Variants in ERGIC3 observed in about 807,000 individuals in gnomAD.
The protein encoded by ERGIC3 is endoplasmic reticulum-Golgi intermediate compartment protein 3.
In ERGIC3, 33 loss-of-function variants were observed where a neutral mutation model predicts 54.7. That is an observed-to-expected ratio of 0.60 (90% confidence interval 0.46 to 0.81). The LOEUF (loss-of-function observed/expected upper bound fraction) is 0.81, where lower values mean the gene tolerates loss of function less well. Ranked by LOEUF, ERGIC3 falls within the 30% of genes least tolerant of loss-of-function variation. The pLI, the probability that ERGIC3 is intolerant of heterozygous loss-of-function variation, is 0.00. For synonymous variants in ERGIC3, 186 were observed against 189.8 expected (o/e 0.98, Z 0.16); for missense variants, 399 against 488.4 (o/e 0.82, Z 1.73).
In ERGIC3 at chr20:35,543,066, G is replaced by T. The variant is rs954230906; in HGVS notation, c.367+125G>T. The T allele has an allele frequency of 4.2e-6, 6 of 1,438,934 alleles. No individual in the cohort carries two copies. In the African/African-American group the frequency reaches 5.6e-5, roughly 13 times the overall value. 89.1% of individuals were successfully genotyped at this position (1,438,934 alleles called of 1,614,324 possible). ...CAACTAAGAGCTAGAGAAGTCAAGTGACTTGCCTAGGGTCCCCCAGCTAGT... is the reference window on the plus strand; with the variant it reads ...CAACTAAGAGCTAGAGAAGTCAAGTTACTTGCCTAGGGTCCCCCAGCTAGT... On this transcript the variant is annotated intron_variant, in intron 4 of 12. Coordinates refer to ENST00000348547, the MANE Select transcript of ERGIC3 (RefSeq NM_015966.3).
rs770461868 is a variant in ERGIC3 at position 35,556,139 on chromosome 20, C to T, written c.814+10C>T. ...GTCACTGCGCCCCAAGGTACCAGCC[C>T]GGGAGGCAGCCCCCAGCCGCAGAAG... On this transcript the variant is annotated intron_variant, in intron 9 of 12. Coordinates refer to ENST00000348547, the MANE Select transcript of ERGIC3 (RefSeq NM_015966.3). The T allele has an allele frequency of 2.3e-5, 37 of 1,614,040 alleles. No individual in the cohort carries two copies. The highest frequency in any genetic ancestry group is 3.0e-5 in the Non-Finnish European group (35 of 1,180,030).
chr20:35,551,425 G>A (rs528259822), intron 7 of ERGIC3, among the ~76,000 whole-genome samples: 82 of 152,182 alleles, frequency 5.4e-4, no homozygotes, highest in Admixed American at 3.6e-3. Flanking sequence ...AATAGCATCT[G>A]GGTGTCCTTC....
At chr20:35,544,211 T>C (rs112770763) in intron 4 of ERGIC3, 30,681 of 177,996 alleles carry the variant, frequency 0.17, 3,024 homozygotes, top group Middle Eastern at 0.29. Flanking sequence ...TGTGCCACCA[T>C]GCCCAGCTAA....
rs11554456 is a variant in ERGIC3 at position 35,557,022 on chromosome 20, A to G, written c.929A>G (p.Asn310Ser). The G allele has an allele frequency of 1.5e-5, 24 of 1,614,108 alleles. No individual in the cohort carries two copies. Among genetic ancestry groups the G allele is most frequent in the Admixed American group, 5.0e-5 (3 of 60,012 alleles). The change falls in exon 11 of 13, where the codon AAT becomes AGT. Residue 310 changes from asparagine to serine, a missense_variant. Coordinates refer to ENST00000348547, the MANE Select transcript of ERGIC3 (RefSeq NM_015966.3). ...FSVTRHEKVA[N>S]GLLGDQGLPG... ...GTGACCAGACATGAGAAGGTTGCCA[A>G]TGGGCTGTTGGGCGACCAAGGCCTT... is the stretch of plus-strand genomic sequence containing the variant.
In ERGIC3 at chr20:35,555,071, A is replaced by G. The variant is rs1446334891; in HGVS notation, c.713A>G (p.Asp238Gly). The G allele has an allele frequency of 2.2e-5, 35 of 1,613,250 alleles. No individual in the cohort carries two copies. The highest frequency in any genetic ancestry group is 2.1e-5 in the Non-Finnish European group (25 of 1,179,874). ...CATGACTTGCAGAGCTTTGGCCTTG[A>G]CAACGTACGTACCAGATGGAAACCA... ...HVHDLQSFGLDNINMTHYIQH... is the reference protein window; with the variant it reads ...HVHDLQSFGLGNINMTHYIQH... Residue 238 changes from aspartate (D) to glycine (G), a missense_variant, in exon 8 of 13, where the codon GAC (aspartate) becomes GGC (glycine). By Grantham distance (94) the Asp-to-Gly change is moderately conservative. Coordinates refer to ENST00000348547, the MANE Select transcript of ERGIC3 (RefSeq NM_015966.3).
chr20:35,554,815 G>A, intron 7 of ERGIC3: 5 of 619,104 alleles, frequency 8.1e-6, no homozygotes, highest in South Asian at 7.6e-5. Flanking sequence ...TGGACGTCAG[G>A]GAGGAACCAG....
At position 35,543,481 on chromosome 20, in the gene ERGIC3, T is replaced by G. The variant is rs1332635996; in HGVS notation, c.367+540T>G. 3 of 389,694 alleles carry G rather than the reference T, an allele frequency of 7.7e-6. No homozygotes were observed. The East Asian group carries it at 2.2e-4, about 28-fold the overall frequency. The allele number at this position is 389,694 out of a possible 1,614,324, so 24.1% of individuals were successfully genotyped here. A position where few individuals can be genotyped will look rare whatever the true frequency, so the allele number is the denominator to read the frequency against. On this transcript the variant is annotated intron_variant, in intron 4 of 12. Coordinates refer to ENST00000348547, the MANE Select transcript of ERGIC3 (RefSeq NM_015966.3). ...TTGTAAGATCAAATGAAGTCATATGTGTAAAATGCCTGGTACAGAGTGGGT... is the reference window on the plus strand; with the variant it reads ...TTGTAAGATCAAATGAAGTCATATGGGTAAAATGCCTGGTACAGAGTGGGT...
At chr20:35,557,391 A>C in intron 12 of ERGIC3, 34 bp from the exon 13 acceptor site, 6 of 1,611,590 alleles carry the variant, frequency 3.7e-6, no homozygotes, top group Non-Finnish European at 5.1e-6. Flanking sequence ...CAAGGCCCCC[A>C]CTGGGCCAGT....
At chr20:35,548,726 A>T (rs1239369634) in intron 6 of ERGIC3, 52 bp downstream of exon 6, 1 of 1,614,022 alleles carries the variant, frequency 6.2e-7, no homozygotes, top group Admixed American at 1.7e-5. Context: ...GGCAAGCTCC[A>T]CTGGGAACCG....
In ERGIC3 at chr20:35,553,916, C is replaced by G. The variant is rs565078114; in HGVS notation, c.686-1128C>G. Reference sequence around the variant, plus strand: ...GGAAGGATGTATAAATGCAAAGGTACAGTTGCCCAAGGCCAGAGATCTGGC... The same window carrying G: ...GGAAGGATGTATAAATGCAAAGGTAGAGTTGCCCAAGGCCAGAGATCTGGC... On this transcript the variant is annotated intron_variant, in intron 7 of 12. Coordinates refer to ENST00000348547, the MANE Select transcript of ERGIC3 (RefSeq NM_015966.3). Among the ~76,000 whole-genome samples the G allele has an allele frequency of 2.0e-5, 3 of 152,336 alleles. No individual in the cohort carries two copies. The South Asian group carries it at 6.2e-4, about 32-fold the overall frequency.
intron 7 of ERGIC3, among the ~76,000 whole-genome samples, chr20:35,552,190 A>G (rs1186892574): frequency 6.6e-6 from 1 of 152,164 alleles, no homozygotes; most frequent in Non-Finnish European, 1.5e-5. Flanking sequence ...GCAGAAGTAC[A>G]TGGAGAGTCT....
In ERGIC3 at chr20:35,544,479, A is replaced by G. The variant is rs1039744208; in HGVS notation, c.367+1538A>G. 355 of 297,802 alleles carry G rather than the reference A, an allele frequency of 1.2e-3. 2 individuals carry two copies. Among genetic ancestry groups the G allele is most frequent in the Non-Finnish European group, 2.0e-3 (294 of 148,424 alleles). The allele number at this position is 297,802 out of a possible 1,614,324, so 18.4% of individuals were successfully genotyped here. ...CCTCATGATGGCTGGGACATTGCTC[A>G]GCTCCTCCTGCCTCCTCTTAGTGCG... On this transcript the variant is annotated intron_variant, in intron 4 of 12. Coordinates refer to ENST00000348547, the MANE Select transcript of ERGIC3 (RefSeq NM_015966.3).
chr20:35,553,020 AT>A lies in ERGIC3; in HGVS notation c.686-1996del, dbSNP rs141438822. Among the ~76,000 whole-genome samples the A allele has an allele frequency of 5.7e-3, 235 of 41,524 alleles. 1 individual carries two copies. Among genetic ancestry groups the A allele is most frequent in the Middle Eastern group, 0.038 (1 of 26 alleles). The allele number at this position is 41,524 out of a possible 152,430, so 27.2% of individuals were successfully genotyped here. A position where few individuals can be genotyped will look rare whatever the true frequency, so the allele number is the denominator to read the frequency against. ...TTTGCCCTGAGCTTCAAAGCTGGGG[AT>A]TTTTTTTTTTTTTTTTTTTTTTTTT... On this transcript the variant is annotated intron_variant, in intron 7 of 12. Transcript: ENST00000348547.
At chr20:35,555,465 CCTT>C (rs1194235991) in intron 8 of ERGIC3, among the ~76,000 whole-genome samples, 5 of 152,240 alleles carry the variant, frequency 3.3e-5, no homozygotes, top group African/African-American at 1.2e-4. Context: ...AAGCTGTTGG[CCTT>C]CTTTAAGCAG....
intron 4 of ERGIC3, chr20:35,543,647 C>T (rs12481365): frequency 0.17 from 80,872 of 470,792 alleles, 7,883 homozygotes; most frequent in Middle Eastern, 0.3. Context: ...TTTTATCATT[C>T]GTTGTTTCAG....
rs770373719 is a variant in ERGIC3, at chr20:35,556,241, G to A, written c.849G>A (p.Val283=). The A allele has an allele frequency of 6.2e-7, 1 of 1,614,160 alleles. No individual in the cohort carries two copies. The highest frequency in any genetic ancestry group is 1.1e-5 in the South Asian group (1 of 91,084). Residue 283 remains valine, a synonymous_variant, in exon 10 of 13, where the codon GTG becomes GTA. Transcript: ENST00000348547. Reference sequence around the variant, plus strand: ...TGTTCCAGTACTTTGTGAAGGTGGTGCCCACTGTGTACATGAAGGTGGACG... The same window carrying A: ...TGTTCCAGTACTTTGTGAAGGTGGTACCCACTGTGTACATGAAGGTGGACG... ...SMMFQYFVKV[V]PTVYMKVDGE...
In ERGIC3 at chr20:35,557,237, G is replaced by C; in HGVS notation, c.1060G>C (p.Gly354Arg). The C allele has an allele frequency of 6.2e-7, 1 of 1,614,138 alleles. No individual in the cohort carries two copies. Among genetic ancestry groups the C allele is most frequent in the Non-Finnish European group, 8.5e-7 (1 of 1,180,006 alleles). ...FLTGVCAIIGGMFTVAGLIDS... is the reference protein window; with the variant it reads ...FLTGVCAIIGRMFTVAGLIDS... Reference sequence around the variant, plus strand: ...GACAGGTGTGTGCGCCATCATTGGGGGCATGTTCACAGGTAAGAGGCCCAG... The same window carrying C: ...GACAGGTGTGTGCGCCATCATTGGGCGCATGTTCACAGGTAAGAGGCCCAG... The change falls in exon 12 of 13, where the codon GGC becomes CGC. Residue 354 changes from glycine (G) to arginine (R), a missense_variant. Coordinates refer to ENST00000348547, the MANE Select transcript of ERGIC3 (RefSeq NM_015966.3).
At chr20:35,552,176 T>C (rs887258009) in intron 7 of ERGIC3, among the ~76,000 whole-genome samples, 2 of 152,086 alleles carry the variant, frequency 1.3e-5, no homozygotes, top group African/African-American at 4.8e-5. Flanking sequence ...TGGTAGCTGG[T>C]GTGGCAGAAG....
At chr20:35,547,578 C>T (rs2064656025) in intron 5 of ERGIC3, 73 bp downstream of exon 5, 1 of 1,411,418 alleles carries the variant, frequency 7.1e-7, no homozygotes, top group African/African-American at 1.4e-5. Flanking sequence ...CTCAGTCAGA[C>T]TGTGGCAGGT....
Sources: gnomAD v4.1 joint callset for allele counts (sites outside exome capture counted in the v4.1 genomes callset) on GRCh38, gnomAD v4.1.1 for gene constraint, MANE v1.5 for transcripts, NCBI Gene and HGNC (gene_info 2026-07-23, HGNC 2026-07-21) for gene names.